The following PARP4 variants were observed in gnomAD, a reference collection of about 807,000 sequenced individuals.
The protein encoded by PARP4 is poly(ADP-ribose) polymerase family member 4, also known as protein mono-ADP-ribosyltransferase PARP4.
A neutral mutation model predicts 187.7 loss-of-function variants in PARP4; 120 were observed. The ratio of observed to expected loss-of-function variants is 0.64; its 90% CI spans 0.55 to 0.74. PARP4 has a LOEUF of 0.74. PARP4 is among the 30% of genes least tolerant of loss of function. PARP4 has a pLI of 0.00. For synonymous variants in PARP4, 654 were observed against 740.9 expected (o/e 0.88, Z 1.90); for missense variants, 1,836 against 2,070.5 (o/e 0.89, Z 2.20).
rs868037504 is a variant in PARP4 at position 24,510,490 on chromosome 13, C to G, written c.-2+2216G>C. Reference sequence around the variant, plus strand: ...AATGGCGTGAACCCGGGAGGCGGAGCTTGCAGTGAGCGGAGATCCCGCCAC... The same window carrying G: ...AATGGCGTGAACCCGGGAGGCGGAGGTTGCAGTGAGCGGAGATCCCGCCAC... On this transcript the variant is annotated intron_variant, in intron 1 of 33. Coordinates refer to ENST00000381989, the MANE Select transcript of PARP4 (RefSeq NM_006437.4). Among the ~76,000 whole-genome samples the G allele has an allele frequency of 8.6e-5, 12 of 140,018 alleles. 1 individual carries two copies. In the South Asian group the frequency reaches 2.7e-3, roughly 32 times the overall value. 91.9% of individuals were successfully genotyped at this position (140,018 alleles called of 152,430 possible).
chr13:24,457,074 G>A (rs1871897929), intron 20 of PARP4, among the ~76,000 whole-genome samples: 1 of 152,058 alleles, frequency 6.6e-6, no homozygotes, highest in African/African-American at 2.4e-5. Context: ...TACCCATTCA[G>A]TTAGACTTAT....
At chr13:24,457,121 C>T (rs1028479850) in intron 20 of PARP4, among the ~76,000 whole-genome samples, 15 of 151,590 alleles carry the variant, frequency 9.9e-5, no homozygotes, top group African/African-American at 1.9e-4. Context: ...TAATTAAAAC[C>T]GAGAAGACTA....
chr13:24,422,030 GA>G (rs745846912), intron 33 of PARP4, among the ~76,000 whole-genome samples: 4 of 152,168 alleles, frequency 2.6e-5, no homozygotes, highest in Non-Finnish European at 4.4e-5. Context: ...TTAATATTTT[GA>G]AAATTCTCTC....
chr13:24,477,508 T>G (rs1184038036), intron 14 of PARP4, among the ~76,000 whole-genome samples, 193 bp downstream of exon 14: 2 of 152,126 alleles, frequency 1.3e-5, no homozygotes, highest in Non-Finnish European at 2.9e-5. Context: ...ATTTTGATAC[T>G]AGGCAGAGGG....
chr13:24,452,581 T>C lies in PARP4; in HGVS notation c.2839A>G (p.Thr947Ala), dbSNP rs1297101921. 1.2e-6 allele frequency: 2 copies of C among 1,613,000 alleles called. No homozygotes were observed. The highest frequency in any genetic ancestry group is 1.7e-6 in the Non-Finnish European group (2 of 1,179,394). Reference sequence around the variant, plus strand: ...TTCCAGAAGTCTGTGTTCCCCATGGTAGGTGTGGCAGACTGGAGGAAATGA... The same window carrying C: ...TTCCAGAAGTCTGTGTTCCCCATGGCAGGTGTGGCAGACTGGAGGAAATGA... ...AAEFIMSATP[T>A]MGNTDFWKTL... Residue 947 changes from threonine (T) to alanine (A), a missense_variant, in exon 24 of 34, where the codon ACC becomes GCC. This residue lies in a region of PARP4 where 1,147 missense variants were observed against 1,214.2 expected (regional missense o/e 0.94). Transcript: ENST00000381989.
chr13:24,459,285 T>C lies in PARP4; in HGVS notation c.2324A>G (p.Lys775Arg). 6.3e-7 allele frequency: 1 copy of C among 1,576,878 alleles called. No individual in the cohort carries two copies. The highest frequency in any genetic ancestry group is 1.2e-5 in the South Asian group (1 of 86,500). ...LQDTVEKICIKEIGTKQSFSL... is the reference protein window; with the variant it reads ...LQDTVEKICIREIGTKQSFSL... Reference sequence around the variant, plus strand: ...TAACCTTTGCTTTGTTCCTATTTCTTTTATACAAATCTTCTCTACTGTATC... The same window carrying C: ...TAACCTTTGCTTTGTTCCTATTTCTCTTATACAAATCTTCTCTACTGTATC... Residue 775 changes from lysine to arginine, a missense_variant, in exon 19 of 34, where the codon AAA becomes AGA. Physicochemically the swap from Lys to Arg is conservative, Grantham distance 26. Around this residue, in one of 8 missense-constraint regions of PARP4, gnomAD observed 1,147 missense variants for 1,214.2 expected, o/e 0.94. Coordinates refer to ENST00000381989, the MANE Select transcript of PARP4 (RefSeq NM_006437.4).
intron 17 of PARP4, among the ~76,000 whole-genome samples, chr13:24,464,122 A>C (rs1455590016): frequency 2.6e-5 from 4 of 152,186 alleles, no homozygotes; most frequent in Non-Finnish European, 4.4e-5. Flanking sequence ...GGAGAACTAT[A>C]AACCACTGCT....
intron 18 of PARP4, 30 bp from the exon 19 acceptor site, chr13:24,459,340 T>A: frequency 6.7e-7 from 1 of 1,494,242 alleles, no homozygotes; most frequent in Non-Finnish European, 9.1e-7. Context: ...TTTGTATAAC[T>A]AAGCATATAT....
At chr13:24,452,339 C>G in intron 24 of PARP4, 67 bp downstream of exon 24, 2 of 1,317,390 alleles carry the variant, frequency 1.5e-6, no homozygotes, top group Admixed American at 2.0e-5. Context: ...TTGCCAAAGT[C>G]CCCTGCAGGG....
chr13:24,499,093 G>A (rs1190977847), intron 5 of PARP4, among the ~76,000 whole-genome samples: 3 of 152,046 alleles, frequency 2.0e-5, no homozygotes, highest in Non-Finnish European at 4.4e-5. Context: ...GAGCCCAGGA[G>A]TTCGAGACCA....
intron 33 of PARP4, among the ~76,000 whole-genome samples, chr13:24,421,639 T>C (rs1222060941): frequency 6.6e-6 from 1 of 152,256 alleles, no homozygotes; most frequent in Non-Finnish European, 1.5e-5. Flanking sequence ...GTCTAAATCC[T>C]ATCCATTCTT....
chr13:24,430,009 T>C (rs1403020827), intron 32 of PARP4, among the ~76,000 whole-genome samples: 1 of 152,246 alleles, frequency 6.6e-6, no homozygotes, highest in African/African-American at 2.4e-5. Flanking sequence ...GCTTTCTTTC[T>C]TTCAAAGATT....
chr13:24,436,544 G>C (rs1870648451), intron 30 of PARP4, among the ~76,000 whole-genome samples: 1 of 152,232 alleles, frequency 6.6e-6, no homozygotes, highest in Non-Finnish European at 1.5e-5. Flanking sequence ...CTGGGCTCAA[G>C]TGATCCTCTC....
rs570411927 is a variant in PARP4, at chr13:24,489,376, G to A, written c.1214+1292C>T. 9.2e-5 allele frequency among the ~76,000 whole-genome samples: 14 copies of A among 152,218 alleles called. No homozygotes were observed. In the East Asian group the frequency reaches 1.5e-3, roughly 17 times the overall value. On this transcript the variant is annotated intron_variant, in intron 10 of 33. Coordinates refer to ENST00000381989, the MANE Select transcript of PARP4 (RefSeq NM_006437.4). The stretch of plus-strand genomic sequence containing the variant: ...TGTAATCCCAGCACTTTGGGAGGCC[G>A]AGGCTGGCAGATCACAAGGTCAGGA...
chr13:24,501,377 CA>C (rs1378458229), intron 3 of PARP4, among the ~76,000 whole-genome samples: 1 of 152,184 alleles, frequency 6.6e-6, no homozygotes, highest in African/African-American at 2.4e-5. Flanking sequence ...GTTAAAAGCA[CA>C]ATCAGGTTTT....
rs1302470252 is a variant in PARP4 at position 24,435,028 on chromosome 13, G to A, written c.4113C>T (p.Gly1371=). Residue 1371 remains glycine, a synonymous_variant, in exon 31 of 34, where the codon GGC becomes GGT. Transcript: ENST00000381989. ...ASQFSQGPVP[G]TCADWIPQSA... ...ACTGTGGGATCCAGTCAGCACAAGT[G>A]CCAGGCACAGGGCCTTGGCTGAATT... is the stretch of plus-strand genomic sequence containing the variant. The A allele has an allele frequency of 1.2e-6, 2 of 1,613,986 alleles. No homozygotes were observed. Among genetic ancestry groups the A allele is most frequent in the South Asian group, 2.2e-5 (2 of 91,076 alleles).
intron 6 of PARP4, among the ~76,000 whole-genome samples, chr13:24,497,306 G>A (rs768023210): frequency 6.6e-6 from 1 of 152,152 alleles, no homozygotes. Flanking sequence ...ACAGTGGATT[G>A]TAATGATGAG....
At chr13:24,483,066 G>A (rs998454960) in intron 12 of PARP4, among the ~76,000 whole-genome samples, 1 of 151,610 alleles carries the variant, frequency 6.6e-6, no homozygotes, top group Non-Finnish European at 1.5e-5. Flanking sequence ...TGTCTCCCAA[G>A]CTGGATGTAG....
chr13:24,464,317 C>CA lies in PARP4; in HGVS notation c.2134-4182dup, dbSNP rs572045350. Among the ~76,000 whole-genome samples the CA allele has an allele frequency of 4.2e-3, 635 of 151,990 alleles. 4 individuals carry two copies. The highest frequency in any genetic ancestry group is 5.8e-3 in the Non-Finnish European group (396 of 67,966). On this transcript the variant is annotated intron_variant, in intron 17 of 33. Coordinates refer to ENST00000381989, the MANE Select transcript of PARP4 (RefSeq NM_006437.4). ...AACTAGGTTAAAATTCATATGGAAC[C>CA]AAAAAAGAGCCTGTAGAGCCAAGAC...
Sources: gnomAD v4.1 joint callset for allele counts (sites outside exome capture counted in the v4.1 genomes callset) on GRCh38, gnomAD v4.1.1 for gene constraint, gnomAD v4.1.1 regional missense constraint, MANE v1.5 for transcripts, NCBI Gene and HGNC (gene_info 2026-07-23, HGNC 2026-07-21) for gene names.